Variants in GPRASP2 observed in about 807,000 individuals in gnomAD.
GPRASP2 encodes G protein-coupled receptor associated sorting protein 2, also known as G protein-coupled receptor-associated sorting protein 2.
In GPRASP2, 10 loss-of-function variants were observed where a neutral mutation model predicts 36.0. The ratio of observed to expected loss-of-function variants is 0.28; its 90% CI spans 0.17 to 0.47. The LOEUF is 0.47. Ranked by LOEUF, GPRASP2 falls within the 20% of genes least tolerant of loss-of-function variation. GPRASP2 has a pLI of 0.99. For missense variants in GPRASP2, 538 were observed against 626.7 expected (o/e 0.86, Z 1.51); for synonymous variants, 219 against 230.5 (o/e 0.95, Z 0.45).
chrX:102,715,666 C>A lies in GPRASP2; in HGVS notation c.797C>A (p.Pro266His). 1 of 1,211,365 alleles carries A rather than the reference C, an allele frequency of 8.3e-7. No individual in the cohort carries two copies. The highest frequency in any genetic ancestry group is 1.1e-6 in the Non-Finnish European group (1 of 895,415). The change falls in exon 5 of 5, where the codon CCC (proline) becomes CAC (histidine). Residue 266 changes from proline to histidine, a missense_variant. Around this residue, in one of 2 missense-constraint regions of GPRASP2, gnomAD observed 276 missense variants for 275.0 expected, o/e 1.00. Coordinates refer to ENST00000483720, the MANE Select transcript of GPRASP2 (RefSeq NM_001004051.4). Reference protein sequence around the residue: ...SRHRAKHQTNPRSRPRSKQEA... With the variant: ...SRHRAKHQTNHRSRPRSKQEA... ...CACAGGGCTAAACATCAGACTAATC[C>A]CAGGTCCAGGCCCAGATCCAAGCAA...
At position 102,717,123 on chromosome X, in the gene GPRASP2, GCAA is replaced by G. The variant is rs1569492089; in HGVS notation, c.2255_2257del (p.Ala752_Lys753delinsGlu). 1 of 1,199,691 alleles carries G rather than the reference GCAA, an allele frequency of 8.3e-7. No homozygotes were observed. Among genetic ancestry groups the G allele is most frequent in the Non-Finnish European group, 1.1e-6 (1 of 886,478 alleles). Reference sequence around the variant, plus strand: ...GAATTTGTCTGAAAATCCTGCTGTGGCAAAAAAACTATTCAGTGCCAAAGCTCT... The same window carrying G: ...GAATTTGTCTGAAAATCCTGCTGTGGAAAAACTATTCAGTGCCAAAGCTCT... On this transcript the variant is annotated inframe_deletion, in exon 5 of 5. Coordinates refer to ENST00000483720, the MANE Select transcript of GPRASP2 (RefSeq NM_001004051.4).
Position 102,715,461 on chromosome X carries a change from C to G in GPRASP2, c.592C>G (p.Pro198Ala), listed in dbSNP as rs1438752233. The change falls in exon 5 of 5, where the codon CCA becomes GCA. Residue 198 changes from proline to alanine, a missense_variant. Physicochemically the swap from Pro to Ala is conservative, Grantham distance 27 (BLOSUM62 -1). Around this residue, in one of 2 missense-constraint regions of GPRASP2, gnomAD observed 276 missense variants for 275.0 expected, o/e 1.00. Coordinates refer to ENST00000483720, the MANE Select transcript of GPRASP2 (RefSeq NM_001004051.4). ...GAAAGGAATCCAGCCCTGGTTTGGACCAGGGGAGGAGACTAATATGGGGTC... is the reference window on the plus strand; with the variant it reads ...GAAAGGAATCCAGCCCTGGTTTGGAGCAGGGGAGGAGACTAATATGGGGTC... ...GQKGIQPWFG[P>A]GEETNMGSWC... The G allele has an allele frequency of 8.3e-7, 1 of 1,211,878 alleles. No homozygotes were observed. The highest frequency in any genetic ancestry group is 3.0e-5 in the East Asian group (1 of 33,835).
chrX:102,713,746 CCTGA>C (rs973363509), intron 2 of GPRASP2, 32 bp from the exon 3 acceptor site: 1 of 112,839 alleles, frequency 8.9e-6, no homozygotes, highest in Non-Finnish European at 1.9e-5. Context: ...CCACTCATAT[CCTGA>C]CTGTCTTACT....
chrX:102,717,427 A>G lies in GPRASP2; in HGVS notation c.*41A>G. 1 of 1,032,488 alleles carries G rather than the reference A, an allele frequency of 9.7e-7. No individual in the cohort carries two copies. The highest frequency in any genetic ancestry group is 4.0e-5 in the South Asian group (1 of 24,760). 85.1% of individuals were successfully genotyped at this position (1,032,488 alleles called of 1,213,427 possible). A position where few individuals can be genotyped will look rare whatever the true frequency, so the allele number is the denominator to read the frequency against. On this transcript the variant is annotated 3_prime_UTR_variant, in exon 5 of 5. Transcript: ENST00000483720. ...GCCGCTGATCAGCCTTATGTTCCCA[A>G]AGAGCCCTGAGTAGTGCTTTGGTGT...
chrX:102,716,702 T>A lies in GPRASP2; in HGVS notation c.1833T>A (p.Pro611=), dbSNP rs745501234. ...FLLLMDKIRD[P]FIHEISKIAM... ...TATTAATGGACAAAATTCGGGATCC[T>A]TTTATTCATGAAATATCTAAAATTG... Residue 611 remains proline (P), a synonymous_variant, in exon 5 of 5, where the codon CCT becomes CCA. Coordinates refer to ENST00000483720, the MANE Select transcript of GPRASP2 (RefSeq NM_001004051.4). The A allele has an allele frequency of 8.2e-6, 10 of 1,212,130 alleles. No homozygotes were observed. The South Asian group carries it at 1.8e-4, about 21-fold the overall frequency.
chrX:102,716,283 A>C lies in GPRASP2; in HGVS notation c.1414A>C (p.Ser472Arg). Residue 472 changes from serine to arginine, a missense_variant, in exon 5 of 5, where the codon AGT becomes CGT. Ser to Arg is a moderately radical substitution (Grantham distance 110). This residue lies in a region of GPRASP2 where 262 missense variants were observed against 351.7 expected (regional missense o/e 0.74). Transcript: ENST00000483720. ...DLNPCPVYKV[S>R]DRFRDAAEEL... ...AAATCCCTGTCCTGTGTACAAGGTC[A>C]GTGATAGGTTCAGAGATGCAGCTGA... 8.2e-7 allele frequency: 1 copy of C among 1,212,129 alleles called. No individual in the cohort carries two copies. The highest frequency in any genetic ancestry group is 1.1e-6 in the Non-Finnish European group (1 of 895,629).
At position 102,715,043 on chromosome X, in the gene GPRASP2, T is replaced by G. The variant is rs1007120178; in HGVS notation, c.174T>G (p.Pro58=). 8.2e-7 allele frequency: 1 copy of G among 1,212,254 alleles called. No individual in the cohort carries two copies. Among genetic ancestry groups the G allele is most frequent in the African/African-American group, 1.7e-5 (1 of 57,941 alleles). ...ARPKTETKSV[P]AARPKTEAQA... is the part of the protein sequence containing the mutation. ...CCAAAACTGAGACCAAGTCTGTGCC[T>G]GCGGCAAGGCCCAAAACTGAGGCCC... Residue 58 remains proline, a synonymous_variant, in exon 5 of 5, where the codon CCT becomes CCG. Coordinates refer to ENST00000483720, the MANE Select transcript of GPRASP2 (RefSeq NM_001004051.4).
chrX:102,714,359 C>T (rs772575308), intron 4 of GPRASP2, 93 bp downstream of exon 4: 40 of 117,617 alleles, frequency 3.4e-4, no homozygotes, highest in Non-Finnish European at 6.5e-4. Context: ...GCTTCTTGGC[C>T]CCTCCCATTG....
intron 2 of GPRASP2, 69 bp from the exon 3 acceptor site, chrX:102,713,713 G>A (rs1456868388): frequency 2.7e-5 from 3 of 113,075 alleles, no homozygotes; most frequent in Non-Finnish European, 5.6e-5. Flanking sequence ...GCGTTGGCCT[G>A]TCTACCAAGT....
Position 102,715,975 on chromosome X carries a change from A to G in GPRASP2, c.1106A>G (p.Asp369Gly), listed in dbSNP as rs778089815. The change falls in exon 5 of 5, where the codon GAT becomes GGT. Residue 369 changes from aspartate (D) to glycine (G), a missense_variant. By Grantham distance (94) the Asp-to-Gly change is moderately conservative. This residue lies in a region of GPRASP2 where 276 missense variants were observed against 275.0 expected (regional missense o/e 1.00). Transcript: ENST00000483720. The part of the protein sequence containing the change: ...NTALKLRAQK[D>G]VDSDRVKQEP... ...GCCTTGAAACTCAGGGCCCAGAAAG[A>G]TGTTGACAGTGATAGGGTCAAACAA... is the stretch of plus-strand genomic sequence containing the variant. 8.3e-7 allele frequency: 1 copy of G among 1,211,454 alleles called. No individual in the cohort carries two copies. Among genetic ancestry groups the G allele is most frequent in the East Asian group, 3.0e-5 (1 of 33,839 alleles).
At position 102,716,553 on chromosome X, in the gene GPRASP2, C is replaced by A. The variant is rs17284956; in HGVS notation, c.1684C>A (p.Arg562=). Residue 562 remains arginine, a synonymous_variant, in exon 5 of 5, where the codon CGG becomes AGG. Transcript: ENST00000483720. ...EFTFQYDPSY[R]SVREIREHLR... ...CACATTTCAGTATGATCCTTCCTAC[C>A]GGTCAGTCCGGGAAATTCGAGAGCA... is the stretch of plus-strand genomic sequence containing the variant. 26 of 1,210,198 alleles carry A rather than the reference C, an allele frequency of 2.1e-5. No homozygotes were observed. Among genetic ancestry groups the A allele is most frequent in the Middle Eastern group, 2.3e-4 (1 of 4,373 alleles).
Sources: gnomAD v4.1 joint callset for allele counts on GRCh38, gnomAD v4.1.1 for gene constraint, gnomAD v4.1.1 regional missense constraint, MANE v1.5 for transcripts, NCBI Gene and HGNC (gene_info 2026-07-23, HGNC 2026-07-21) for gene names.